The following HMCN1 variants were observed in gnomAD, a reference collection of about 807,000 sequenced individuals.
HMCN1 encodes hemicentin-1.
HMCN1 carries 321 observed loss-of-function variants against 625.9 expected under a neutral mutation model. That is an observed-to-expected ratio of 0.51 (90% CI 0.47 to 0.56). The LOEUF (loss-of-function observed/expected upper bound fraction) is 0.56. Ranked by LOEUF, HMCN1 falls within the 20% of genes least tolerant of loss-of-function variation. The pLI, the probability that HMCN1 is intolerant of heterozygous loss-of-function variation, is 0.00. For synonymous variants in HMCN1, 2,425 were observed against 2,417.6 expected, an observed-to-expected ratio of 1.00 and a Z score of -0.09; for missense variants, 6,588 against 6,887.3, an observed-to-expected ratio of 0.96 and a Z score of 1.54.
chr1:185,927,887 C>G (rs1171863166), intron 9 of HMCN1, among the ~76,000 whole-genome samples: 1 of 151,880 alleles, frequency 6.6e-6, no homozygotes, highest in Admixed American at 6.6e-5. Flanking sequence ...TAAGATACTT[C>G]CGGAAAATGA....
chr1:185,855,706 G>A (rs1378984349), intron 2 of HMCN1, among the ~76,000 whole-genome samples: 3 of 152,196 alleles, frequency 2.0e-5, no homozygotes, highest in African/African-American at 7.2e-5. Context: ...GGTCCAACGA[G>A]TTGAAAGATC....
chr1:185,862,104 AT>A (rs1364956224), intron 2 of HMCN1, among the ~76,000 whole-genome samples: 2 of 152,162 alleles, frequency 1.3e-5, no homozygotes, highest in Non-Finnish European at 2.9e-5. Flanking sequence ...AATATTAAAC[AT>A]TTATAATATT....
Position 186,152,863 on chromosome 1 carries a change from A to T in HMCN1, c.15010A>T (p.Thr5004Ser), listed in dbSNP as rs114364265. The change falls in exon 96 of 107, where the codon ACT becomes TCT. Residue 5004 changes from threonine (T) to serine (S), a missense_variant. Transcript: ENST00000271588. ...VLQLQSPAEV[T>S]VKDYTEDYIQ... The stretch of plus-strand genomic sequence containing the variant: ...ACAGCTTCAGTCACCTGCTGAAGTC[A>T]CTGTAAAGGTAAAATGCCAGGATAA... 6.0e-3 allele frequency: 9,755 copies of T among 1,613,796 alleles called. 35 individuals are homozygous for T. Among genetic ancestry groups the T allele is most frequent in the Non-Finnish European group, 7.2e-3 (8,501 of 1,179,758 alleles).
At chr1:185,877,925 T>C (rs1056519792) in intron 4 of HMCN1, among the ~76,000 whole-genome samples, 5 of 152,112 alleles carry the variant, frequency 3.3e-5, no homozygotes, top group Non-Finnish European at 5.9e-5. Context: ...GTGTCTGTTG[T>C]TCCTCTCTTT....
intron 97 of HMCN1, among the ~76,000 whole-genome samples, chr1:186,163,010 G>T (rs916404536): frequency 2.0e-5 from 3 of 152,242 alleles, no homozygotes; most frequent in Admixed American, 2.0e-4. Flanking sequence ...GCCCCCAGAG[G>T]TGGAGCCTAC....
chr1:185,889,539 A>C (rs1664907388), intron 4 of HMCN1, among the ~76,000 whole-genome samples: 2 of 137,468 alleles, frequency 1.5e-5, no homozygotes, highest in African/African-American at 6.6e-5. Context: ...AATTTTGTCA[A>C]AGGCCTTTTC....
chr1:185,886,777 T>A (rs1664679419), intron 4 of HMCN1, among the ~76,000 whole-genome samples: 2 of 152,100 alleles, frequency 1.3e-5, no homozygotes, highest in South Asian at 4.1e-4. Flanking sequence ...TACTTTTCCC[T>A]ACCCAATCCA....
chr1:185,818,142 T>C (rs1396884515), intron 1 of HMCN1, among the ~76,000 whole-genome samples: 1 of 152,200 alleles, frequency 6.6e-6, no homozygotes, highest in Admixed American at 6.5e-5. Flanking sequence ...ATTTTCTTTA[T>C]ATTTTTTTCA....
At chr1:185,757,165 G>T (rs1655186146) in intron 1 of HMCN1, among the ~76,000 whole-genome samples, 1 of 152,048 alleles carries the variant, frequency 6.6e-6, no homozygotes, top group African/African-American at 2.4e-5. Context: ...TGGAGACAGG[G>T]TTTCACCTTG....
chr1:186,169,703 C>T (rs541972951), intron 100 of HMCN1, among the ~76,000 whole-genome samples: 18 of 152,190 alleles, frequency 1.2e-4, no homozygotes, highest in African/African-American at 3.4e-4. Context: ...CAGACTTAAA[C>T]GTAAGACCTA....
At chr1:185,762,156 C>G (rs1387365811) in intron 1 of HMCN1, among the ~76,000 whole-genome samples, 4 of 152,190 alleles carry the variant, frequency 2.6e-5, no homozygotes, top group African/African-American at 9.6e-5. Context: ...AAGACTTACA[C>G]TCTAGCCTAC....
intron 1 of HMCN1, among the ~76,000 whole-genome samples, chr1:185,763,909 A>G (rs948738941): frequency 1.3e-5 from 2 of 152,194 alleles, no homozygotes; most frequent in Non-Finnish European, 2.9e-5. Context: ...ATCTCACATC[A>G]TAGGAGGAAC....
At chr1:185,803,204 G>GAAAAAAAAAAAA (rs1557981375) in intron 1 of HMCN1, among the ~76,000 whole-genome samples, 1 of 23,712 alleles carries the variant, frequency 4.2e-5, no homozygotes, top group East Asian at 1.2e-3. Flanking sequence ...AAAAAAAAAA[G>GAAAAAAAAAAAA]CAAAAAAAAA....
intron 4 of HMCN1, among the ~76,000 whole-genome samples, chr1:185,884,528 C>CT (rs1664514457): frequency 6.6e-6 from 1 of 151,968 alleles, no homozygotes; most frequent in African/African-American, 2.4e-5. Context: ...ACTCATCTCA[C>CT]TTTTTTGTTA....
intron 50 of HMCN1, among the ~76,000 whole-genome samples, chr1:186,068,868 CAAAAAAAAAA>C (rs397862240): frequency 5.2e-5 from 4 of 76,774 alleles, no homozygotes; most frequent in East Asian, 3.8e-4. Flanking sequence ...GACTCGGTCT[CAAAAAAAAAA>C]AAAAAAAAAA....
Position 186,136,945 on chromosome 1 carries a change from T to C in HMCN1, c.13582+8T>C. 1 of 1,612,754 alleles carries C rather than the reference T, an allele frequency of 6.2e-7. No homozygotes were observed. The highest frequency in any genetic ancestry group is 8.5e-7 in the Non-Finnish European group (1 of 1,179,814). On this transcript the variant is annotated splice_region_variant and intron_variant, in intron 87 of 106. Coordinates refer to ENST00000271588, the MANE Select transcript of HMCN1 (RefSeq NM_031935.3). The stretch of plus-strand genomic sequence containing the variant: ...TGCCAGTCATAGTCCAGGGTGAGTG[T>C]GATCAGAGGAATATTCATAGTAAAC...
chr1:185,797,733 G>A (rs1036149515), intron 1 of HMCN1, among the ~76,000 whole-genome samples: 5 of 128,374 alleles, frequency 3.9e-5, no homozygotes, highest in South Asian at 2.2e-4. Flanking sequence ...TTGGGAGGCC[G>A]AGGCGGGCGG....
intron 83 of HMCN1, among the ~76,000 whole-genome samples, chr1:186,129,289 T>C (rs547778201): frequency 3.4e-4 from 52 of 151,514 alleles, no homozygotes; most frequent in African/African-American, 1.2e-3. Context: ...TTATTTAGTC[T>C]TAGTTGTTTT....
At chr1:186,184,984 A>G (rs1399581477) in intron 105 of HMCN1, among the ~76,000 whole-genome samples, 1 of 152,114 alleles carries the variant, frequency 6.6e-6, no homozygotes, top group Non-Finnish European at 1.5e-5. Flanking sequence ...CTGGATTCCT[A>G]GAGAGAATGC....
Sources: gnomAD v4.1 joint callset for allele counts (sites outside exome capture counted in the v4.1 genomes callset) on GRCh38, gnomAD v4.1.1 for gene constraint, MANE v1.5 for transcripts, NCBI Gene and HGNC (gene_info 2026-07-23, HGNC 2026-07-21) for gene names.